Variants in GPC5 observed in about 807,000 individuals in gnomAD.
GPC5 encodes glypican 5.
A neutral mutation model predicts 53.9 loss-of-function variants in GPC5; 47 were observed. The observed-to-expected ratio is 0.87, with a 90% CI of 0.69 to 1.11. GPC5 has a LOEUF of 1.11. Ranked by LOEUF, GPC5 falls within the 50% of genes most tolerant of loss-of-function variation. The probability of loss-of-function intolerance (pLI) is 0.00; values close to 1 mark genes in which losing one functional copy is unlikely to be tolerated. For missense variants in GPC5, 748 were observed against 713.1 expected, an observed-to-expected ratio of 1.05 and a Z score of -0.56; for synonymous variants, 286 against 263.3, an observed-to-expected ratio of 1.09 and a Z score of -0.84.
chr13:92,746,592 A>G (rs1889246323), intron 7 of GPC5, among the ~76,000 whole-genome samples: 4 of 152,218 alleles, frequency 2.6e-5, no homozygotes, highest in Admixed American at 2.6e-4. Context: ...TGTGTCTATC[A>G]AAAACCACAA....
intron 6 of GPC5, among the ~76,000 whole-genome samples, chr13:92,076,320 C>G (rs917403510): frequency 6.6e-6 from 1 of 152,184 alleles, no homozygotes; most frequent in Non-Finnish European, 1.5e-5. Context: ...GACCACCTGC[C>G]TCGGCCTCCC....
chr13:91,435,765 C>A lies in GPC5; in HGVS notation c.164-12996C>A, dbSNP rs547822616. Among the ~76,000 whole-genome samples, 9 of 152,254 alleles carry A rather than the reference C, an allele frequency of 5.9e-5. No homozygotes were observed. In the South Asian group the frequency reaches 1.7e-3, roughly 28 times the overall value. On this transcript the variant is annotated intron_variant, in intron 1 of 7. Coordinates refer to ENST00000377067, the MANE Select transcript of GPC5 (RefSeq NM_004466.6). ...TGAAATAGTTTCAGAAGGAATGGTA[C>A]CAGCTCCTCCTTGTTCCTCTGATAG...
chr13:91,416,319 T>C (rs1878220576), intron 1 of GPC5, among the ~76,000 whole-genome samples: 1 of 152,162 alleles, frequency 6.6e-6, no homozygotes, highest in African/African-American at 2.4e-5. Context: ...ACTAGCTGTT[T>C]AATAGTGTTT....
At chr13:92,265,753 C>T (rs779593578) in intron 7 of GPC5, among the ~76,000 whole-genome samples, 1 of 152,146 alleles carries the variant, frequency 6.6e-6, no homozygotes, top group Non-Finnish European at 1.5e-5. Flanking sequence ...TAGCAGCGCC[C>T]CACTTCTCCA....
chr13:91,500,814 C>T (rs1839269931), intron 2 of GPC5, among the ~76,000 whole-genome samples: 1 of 152,178 alleles, frequency 6.6e-6, no homozygotes, highest in African/African-American at 2.4e-5. Context: ...CCATAATTCC[C>T]ACATGTTGTG....
intron 7 of GPC5, among the ~76,000 whole-genome samples, chr13:92,866,005 C>T (rs964047972): frequency 3.3e-5 from 5 of 152,140 alleles, no homozygotes; most frequent in Non-Finnish European, 4.4e-5. Context: ...TCTTCACTTA[C>T]TTACCAGTGG....
chr13:92,418,023 A>G (rs994843732), intron 7 of GPC5, among the ~76,000 whole-genome samples: 2 of 152,236 alleles, frequency 1.3e-5, no homozygotes, highest in African/African-American at 4.8e-5. Context: ...ATGAATCTTG[A>G]AAACATTATG....
intron 6 of GPC5, among the ~76,000 whole-genome samples, chr13:91,977,948 AAAAG>A (rs201851452): frequency 2.3e-4 from 7 of 30,138 alleles, no homozygotes; most frequent in East Asian, 3.8e-3. Context: ...CGCCATCTCT[AAAAG>A]AAAAAAGAAA....
chr13:92,506,242 G>A (rs571346831), intron 7 of GPC5, among the ~76,000 whole-genome samples: 1 of 152,220 alleles, frequency 6.6e-6, no homozygotes, highest in Admixed American at 6.5e-5. Context: ...AGGACTTTAA[G>A]AGAAGTAGAA....
chr13:92,593,957 GA>G (rs1205025829), intron 7 of GPC5, among the ~76,000 whole-genome samples: 1 of 152,106 alleles, frequency 6.6e-6, no homozygotes, highest in Non-Finnish European at 1.5e-5. Context: ...GTATGTAATG[GA>G]ATTTTTTTAA....
intron 1 of GPC5, among the ~76,000 whole-genome samples, chr13:91,429,513 GA>G (rs1879283494): frequency 6.6e-6 from 1 of 152,134 alleles, no homozygotes; most frequent in South Asian, 2.1e-4. Flanking sequence ...TAGGCCCTCA[GA>G]AAAGAATGAC....
At chr13:92,096,534 G>C (rs2041423513) in intron 6 of GPC5, among the ~76,000 whole-genome samples, 1 of 152,210 alleles carries the variant, frequency 6.6e-6, no homozygotes, top group Non-Finnish European at 1.5e-5. Flanking sequence ...CTCTATTATA[G>C]TGGTATGGTA....
chr13:91,611,373 G>A (rs916206550), intron 2 of GPC5, among the ~76,000 whole-genome samples: 2 of 152,174 alleles, frequency 1.3e-5, no homozygotes, highest in Non-Finnish European at 2.9e-5. Flanking sequence ...AAGATAAAAT[G>A]TGTAGCCTGC....
intron 1 of GPC5, among the ~76,000 whole-genome samples, 168 bp from the exon 2 acceptor site, chr13:91,448,593 A>T (rs1880959905): frequency 6.6e-6 from 1 of 152,182 alleles, no homozygotes; most frequent in Non-Finnish European, 1.5e-5. Flanking sequence ...TATTTTGTTT[A>T]TGATTGTGTT....
chr13:92,663,439 T>C (rs1239897008), intron 7 of GPC5, among the ~76,000 whole-genome samples: 1 of 151,594 alleles, frequency 6.6e-6, no homozygotes, highest in African/African-American at 2.4e-5. Flanking sequence ...CTAGTTTATC[T>C]GTCAAAGATG....
intron 5 of GPC5, among the ~76,000 whole-genome samples, chr13:91,883,532 G>C (rs551109953): frequency 6.6e-6 from 1 of 152,330 alleles, no homozygotes; most frequent in East Asian, 1.9e-4. Context: ...GCTGAAAAAA[G>C]AGCATTCCAA....
intron 2 of GPC5, among the ~76,000 whole-genome samples, chr13:91,583,360 G>T (rs2032441951): frequency 6.6e-6 from 1 of 152,156 alleles, no homozygotes; most frequent in South Asian, 2.1e-4. Context: ...TTGTGAACAT[G>T]AGGTTAATAT....
At chr13:92,635,556 A>C (rs1262762695) in intron 7 of GPC5, among the ~76,000 whole-genome samples, 1 of 152,188 alleles carries the variant, frequency 6.6e-6, no homozygotes, top group East Asian at 1.9e-4. Context: ...TAATCTGTAC[A>C]TAAGGCCAGA....
At position 92,008,214 on chromosome 13, in the gene GPC5, T is replaced by C. The variant is rs868841260; in HGVS notation, c.1401+100157T>C. ...AGTAGCTGGGACTACAGGCGCCCGC[T>C]ACCACGCCCGGCTAATTTTTTGTAT... On this transcript the variant is annotated intron_variant, in intron 6 of 7. Transcript: ENST00000377067. 1.1e-3 allele frequency among the ~76,000 whole-genome samples: 164 copies of C among 151,918 alleles called. No individual in the cohort carries two copies. The Middle Eastern group carries it at 0.014, about 13-fold the overall frequency.
Sources: allele counts gnomAD v4.1 joint callset (sites outside exome capture counted in the v4.1 genomes callset), GRCh38; gene constraint gnomAD v4.1.1; transcripts MANE v1.5; gene names NCBI Gene and HGNC (gene_info 2026-07-23, HGNC 2026-07-21).